Variants in CNTLN observed in about 807,000 individuals in gnomAD.
CNTLN encodes centlein.
A neutral mutation model predicts 180.0 loss-of-function variants in CNTLN; 212 were observed. The observed-to-expected ratio is 1.18, with a 90% CI of 1.05 to 1.32. CNTLN has a LOEUF of 1.32. CNTLN is among the 40% of genes most tolerant of loss of function. The pLI is 0.00. For synonymous variants in CNTLN, 722 were observed against 563.1 expected, an observed-to-expected ratio of 1.28 and a Z score of -3.99; for missense variants, 2,095 against 1,610.9, an observed-to-expected ratio of 1.30 and a Z score of -5.14.
At chr9:17,228,726 A>G (rs1043720747) in intron 3 of CNTLN, among the ~76,000 whole-genome samples, 9 of 152,058 alleles carry the variant, frequency 5.9e-5, no homozygotes, top group African/African-American at 2.2e-4. Flanking sequence ...AGTCAGGTCC[A>G]CTGACATGGA....
chr9:17,313,665 C>G lies in CNTLN; in HGVS notation c.1341+4413C>G, dbSNP rs1355609452. Reference sequence around the variant, plus strand: ...TTCTTGATTTTCATAATTTTTAAACCAAATTGGAAAAAAATTTTGATGTTA... The same window carrying G: ...TTCTTGATTTTCATAATTTTTAAACGAAATTGGAAAAAAATTTTGATGTTA... On this transcript the variant is annotated intron_variant, in intron 8 of 25. Transcript: ENST00000380647. Among the ~76,000 whole-genome samples the G allele has an allele frequency of 2.6e-5, 4 of 152,064 alleles. No individual in the cohort carries two copies. The South Asian group carries it at 8.3e-4, about 32-fold the overall frequency.
At chr9:17,379,495 C>T (rs1291047316) in intron 13 of CNTLN, among the ~76,000 whole-genome samples, 1 of 152,126 alleles carries the variant, frequency 6.6e-6, no homozygotes, top group Non-Finnish European at 1.5e-5. Context: ...TTTTCTGTTT[C>T]TGTGCTGTAG....
intron 25 of CNTLN, among the ~76,000 whole-genome samples, chr9:17,490,254 A>C (rs908831019): frequency 6.6e-6 from 1 of 152,066 alleles, no homozygotes; most frequent in African/African-American, 2.4e-5. Context: ...GGGCAGTGAG[A>C]GTCTGGATGT....
intron 25 of CNTLN, among the ~76,000 whole-genome samples, chr9:17,488,144 G>T (rs1193354466): frequency 6.6e-6 from 1 of 152,114 alleles, no homozygotes; most frequent in East Asian, 1.9e-4. Flanking sequence ...CGTGCTTTTA[G>T]TAAAGTCGAG....
At position 17,151,810 on chromosome 9, in the gene CNTLN, G is replaced by C. The variant is rs536887448; in HGVS notation, c.449+8434G>C. ...AGTCCTTGACTTTTTTTGGTTGGTA[G>C]GCTGTTAATTACTGTCTCAATTTCA... On this transcript the variant is annotated intron_variant, in intron 2 of 25. Coordinates refer to ENST00000380647, the MANE Select transcript of CNTLN (RefSeq NM_017738.4). 2.0e-5 allele frequency among the ~76,000 whole-genome samples: 3 copies of C among 152,168 alleles called. No homozygotes were observed. The East Asian group carries it at 5.8e-4, about 29-fold the overall frequency.
chr9:17,517,169 A>T, the CNTLN span, among the ~76,000 whole-genome samples: 1 of 152,038 alleles, frequency 6.6e-6, no homozygotes, highest in African/African-American at 2.4e-5. Context: ...AGACGGGTGG[A>T]TCACAGGTCA....
rs540731173 is a variant in CNTLN, at chr9:17,381,008, T to C, written c.1988-7154T>C. On this transcript the variant is annotated intron_variant, in intron 13 of 25. Coordinates refer to ENST00000380647, the MANE Select transcript of CNTLN (RefSeq NM_017738.4). ...ACTGTCACCTCCACCCGTGATTTCT[T>C]TGGCTAAAGCAAGTCTTCTTATTAA... 1.7e-3 allele frequency among the ~76,000 whole-genome samples: 263 copies of C among 152,332 alleles called. 3 individuals are homozygous for C. The highest frequency in any genetic ancestry group is 3.1e-3 in the Non-Finnish European group (208 of 68,028).
chr9:17,211,790 C>G (rs962438923), intron 2 of CNTLN, among the ~76,000 whole-genome samples: 2 of 152,040 alleles, frequency 1.3e-5, no homozygotes, highest in Non-Finnish European at 2.9e-5. Flanking sequence ...AAGTTGGATT[C>G]CTAGGTATTT....
intron 2 of CNTLN, among the ~76,000 whole-genome samples, chr9:17,189,225 G>A (rs1469726049): frequency 6.6e-6 from 1 of 150,580 alleles, no homozygotes; most frequent in Non-Finnish European, 1.5e-5. Context: ...TGGGACTACA[G>A]CTGCCCGCCA....
intron 7 of CNTLN, chr9:17,298,793 C>T: frequency 1.0e-6 from 1 of 986,142 alleles, no homozygotes; most frequent in Non-Finnish European, 1.2e-6. Context: ...GCTTTAGGAT[C>T]AATATTTTCC....
chr9:17,286,815 G>A (rs199746875), intron 6 of CNTLN, among the ~76,000 whole-genome samples: 2 of 117,610 alleles, frequency 1.7e-5, no homozygotes, highest in Non-Finnish European at 3.4e-5. Flanking sequence ...TTTGTCTGTT[G>A]TTGGTGTATA....
chr9:17,337,248 A>T (rs1215745244), intron 10 of CNTLN, among the ~76,000 whole-genome samples: 1 of 151,940 alleles, frequency 6.6e-6, no homozygotes, highest in Non-Finnish European at 1.5e-5. Flanking sequence ...AATTTTTTCC[A>T]TTCTGTAGGT....
chr9:17,157,471 T>G (rs966408127), intron 2 of CNTLN, among the ~76,000 whole-genome samples: 1 of 152,118 alleles, frequency 6.6e-6, no homozygotes, highest in Non-Finnish European at 1.5e-5. Context: ...GAAAAGAGCA[T>G]TTCCTCAATG....
chr9:17,387,375 A>C (rs1018985735), intron 13 of CNTLN, among the ~76,000 whole-genome samples: 1 of 152,170 alleles, frequency 6.6e-6, no homozygotes, highest in Non-Finnish European at 1.5e-5. Flanking sequence ...TAATTCACTA[A>C]GAAAATGTTA....
chr9:17,360,843 GTCTTA>G (rs1288726418), intron 12 of CNTLN, among the ~76,000 whole-genome samples: 5 of 152,150 alleles, frequency 3.3e-5, no homozygotes, highest in Non-Finnish European at 7.4e-5. Flanking sequence ...CCAGCATGTG[GTCTTA>G]TCTTGTTGAA....
intron 10 of CNTLN, 129 bp downstream of exon 10, chr9:17,332,859 T>A (rs1820736843): frequency 8.0e-6 from 4 of 497,040 alleles, no homozygotes; most frequent in Non-Finnish European, 1.2e-5. Context: ...TAAAAGTGTA[T>A]AATCAGTTCA....
intron 5 of CNTLN, among the ~76,000 whole-genome samples, chr9:17,255,911 C>T (rs535842918): frequency 1.4e-4 from 21 of 151,728 alleles, no homozygotes; most frequent in Admixed American, 3.3e-4. Context: ...TATATACTTC[C>T]TTTGGATTAT....
intron 23 of CNTLN, among the ~76,000 whole-genome samples, chr9:17,475,334 A>G (rs2134259852): frequency 6.6e-6 from 1 of 152,164 alleles, no homozygotes; most frequent in African/African-American, 2.4e-5. Context: ...CTTTGGTGGA[A>G]CAATATGGGG....
At chr9:17,225,527 A>G (rs1824411101) in intron 2 of CNTLN, among the ~76,000 whole-genome samples, 2 of 152,022 alleles carry the variant, frequency 1.3e-5, no homozygotes, top group Admixed American at 6.6e-5. Flanking sequence ...CCCCTTATTT[A>G]TAATATAAAT....
Sources: allele counts gnomAD v4.1 joint callset (sites outside exome capture counted in the v4.1 genomes callset), GRCh38; gene constraint gnomAD v4.1.1; transcripts MANE v1.5; gene names NCBI Gene and HGNC (gene_info 2026-07-23, HGNC 2026-07-21).